The following NRCAM variants were observed in gnomAD, a reference collection of about 807,000 sequenced individuals.
The protein encoded by NRCAM is neuronal cell adhesion molecule, also known as NgCAM-related cell adhesion molecule.
In NRCAM, 83 loss-of-function variants were observed where a neutral mutation model predicts 156.5. The observed-to-expected ratio is 0.53, with a 90% confidence interval of 0.44 to 0.64. The LOEUF (loss-of-function observed/expected upper bound fraction) is 0.64. Among genes scored for constraint, NRCAM ranks in the 30% least tolerant of loss-of-function variants. The pLI is 0.00. For missense variants in NRCAM, 1,417 were observed against 1,597.3 expected, an observed-to-expected ratio of 0.89 and a Z score of 1.92; for synonymous variants, 538 against 563.9, an observed-to-expected ratio of 0.95 and a Z score of 0.65.
At chr7:108,158,183 A>G (rs558266189) in intron 32 of NRCAM, among the ~76,000 whole-genome samples, 2 of 152,112 alleles carry the variant, frequency 1.3e-5, no homozygotes, top group Admixed American at 6.5e-5. Flanking sequence ...GTTTTCATAC[A>G]CCTTCAGCTC....
At chr7:108,248,376 G>A (rs1269740710) in intron 3 of NRCAM, among the ~76,000 whole-genome samples, 3 of 151,990 alleles carry the variant, frequency 2.0e-5, no homozygotes, top group African/African-American at 7.3e-5. Context: ...AACCAGTTAG[G>A]GTAGGGACGC....
intron 2 of NRCAM, among the ~76,000 whole-genome samples, chr7:108,337,767 T>TGCCACCATCTTGGAAGCCGCCC (rs1280132067): frequency 2.0e-5 from 3 of 151,940 alleles, no homozygotes; most frequent in Non-Finnish European, 2.9e-5. Context: ...GGAAGCGGCC[T>TGCCACCATCTTGGAAGCCGCCC]GCCACCATCT....
At chr7:108,274,607 G>T (rs556231661) in intron 3 of NRCAM, among the ~76,000 whole-genome samples, 10 of 152,196 alleles carry the variant, frequency 6.6e-5, no homozygotes, top group African/African-American at 9.6e-5. Flanking sequence ...GAGACTTTGC[G>T]GAAGTTGCTT....
At chr7:108,416,593 A>G (rs1801893692) in intron 1 of NRCAM, among the ~76,000 whole-genome samples, 1 of 152,216 alleles carries the variant, frequency 6.6e-6, no homozygotes, top group South Asian at 2.1e-4. Flanking sequence ...AATTAAAAAA[A>G]AAAAGTCTTC....
At chr7:108,183,138 C>T (rs1237122809) in intron 22 of NRCAM, among the ~76,000 whole-genome samples, 1 of 152,220 alleles carries the variant, frequency 6.6e-6, no homozygotes, top group Non-Finnish European at 1.5e-5. Context: ...TTGTAAACTA[C>T]TATCTTGATG....
At chr7:108,398,493 TC>T (rs2099783235) in intron 2 of NRCAM, among the ~76,000 whole-genome samples, 1 of 152,180 alleles carries the variant, frequency 6.6e-6, no homozygotes, top group East Asian at 1.9e-4. Context: ...GCCAATGACT[TC>T]CAGCTGATAA....
intron 29 of NRCAM, 40 bp downstream of exon 29, chr7:108,168,237 T>A: frequency 6.8e-6 from 10 of 1,473,628 alleles, no homozygotes; most frequent in Non-Finnish European, 9.0e-6. Context: ...AAAAAATGCA[T>A]CCCCCAAATT....
chr7:108,235,860 G>C (rs2094921327), intron 5 of NRCAM, among the ~76,000 whole-genome samples: 1 of 152,160 alleles, frequency 6.6e-6, no homozygotes, highest in African/African-American at 2.4e-5. Flanking sequence ...GAAAAGTTCT[G>C]AGGCAGACGA....
chr7:108,397,782 G>GGGT (rs1563624025), intron 2 of NRCAM, among the ~76,000 whole-genome samples: 6 of 152,144 alleles, frequency 3.9e-5, no homozygotes, highest in Non-Finnish European at 8.8e-5. Context: ...GCTTGTTACT[G>GGGT]TCCTTAACTT....
At chr7:108,237,667 T>C (rs2095196101) in intron 5 of NRCAM, 85 bp downstream of exon 5, 4 of 975,846 alleles carry the variant, frequency 4.1e-6, no homozygotes, top group South Asian at 4.4e-5. Flanking sequence ...CATGAAATTG[T>C]GCATTTAAAT....
intron 3 of NRCAM, among the ~76,000 whole-genome samples, chr7:108,255,499 G>A (rs944414130): frequency 5.3e-5 from 8 of 152,216 alleles, no homozygotes; most frequent in East Asian, 1.9e-4. Flanking sequence ...GTGCAGTGGC[G>A]TGATCTCGGC....
At chr7:108,268,613 C>CGGGGGCGGGGG (rs1473356698) in intron 3 of NRCAM, among the ~76,000 whole-genome samples, 1 of 1,324 alleles carries the variant, frequency 7.6e-4, no homozygotes, top group Non-Finnish European at 1.9e-3. Flanking sequence ...ATGAGCGGGG[C>CGGGGGCGGGGG]GGGGGTGGGG....
intron 1 of NRCAM, among the ~76,000 whole-genome samples, chr7:108,429,292 A>T (rs561438836): frequency 6.6e-6 from 1 of 152,202 alleles, no homozygotes; most frequent in South Asian, 2.1e-4. Context: ...CCTGAGTTCA[A>T]GTGATTCTCC....
intron 3 of NRCAM, among the ~76,000 whole-genome samples, chr7:108,294,962 T>C (rs923510933): frequency 6.6e-6 from 1 of 152,146 alleles, no homozygotes; most frequent in African/African-American, 2.4e-5. Context: ...TCACCACACA[T>C]GAAAAACGTT....
At chr7:108,156,174 G>A (rs918545858) in intron 32 of NRCAM, 7 of 352,236 alleles carry the variant, frequency 2.0e-5, no homozygotes, top group African/African-American at 1.6e-4. Flanking sequence ...TGTATATAAC[G>A]AATGTGACAC....
chr7:108,266,897 A>G (rs1249336577), intron 3 of NRCAM, among the ~76,000 whole-genome samples: 4 of 116,564 alleles, frequency 3.4e-5, no homozygotes, highest in African/African-American at 9.3e-5. Flanking sequence ...AGAGTCTAAG[A>G]TTTTACCCCG....
chr7:108,410,695 G>A (rs1339428136), intron 1 of NRCAM, among the ~76,000 whole-genome samples: 3 of 152,172 alleles, frequency 2.0e-5, no homozygotes, highest in Admixed American at 6.5e-5. Context: ...AGGTCACCTC[G>A]TGAGGGTCAA....
At chr7:108,178,505 G>A (rs1418422293) in intron 25 of NRCAM, 4 of 239,440 alleles carry the variant, frequency 1.7e-5, no homozygotes, top group Non-Finnish European at 3.4e-5. Context: ...GACCATTAAG[G>A]ACTGTTTTCT....
At chr7:108,167,145 A>G in intron 29 of NRCAM, 72 bp from the exon 30 acceptor site, 2 of 1,181,376 alleles carry the variant, frequency 1.7e-6, no homozygotes, top group Non-Finnish European at 2.4e-6. Context: ...GCTTCAAGAA[A>G]GGAAAATTCT....
Sources: gnomAD v4.1 joint callset for allele counts (sites outside exome capture counted in the v4.1 genomes callset) on GRCh38, gnomAD v4.1.1 for gene constraint, MANE v1.5 for transcripts, NCBI Gene and HGNC (gene_info 2026-07-23, HGNC 2026-07-21) for gene names.